The following SH3BGRL2 variants were observed in gnomAD, a reference collection of about 807,000 sequenced individuals.
The protein encoded by SH3BGRL2 is SH3 domain binding glutamate rich protein like 2.
Under a neutral mutation model 14.8 loss-of-function variants are expected in SH3BGRL2, and 21 were observed. The observed-to-expected ratio is 1.42, with a 90% CI of 1.01 to 2.05. The LOEUF (loss-of-function observed/expected upper bound fraction) is 2.05. SH3BGRL2 is among the 30% of genes most tolerant of loss of function. The pLI is 0.00. For missense variants in SH3BGRL2, 147 were observed against 130.8 expected (o/e 1.12, Z -0.61); for synonymous variants, 50 against 47.8 (o/e 1.05, Z -0.19).
At chr6:79,673,196 A>G (rs1769807212) in intron 1 of SH3BGRL2, among the ~76,000 whole-genome samples, 1 of 152,050 alleles carries the variant, frequency 6.6e-6, no homozygotes, top group African/African-American at 2.4e-5. Context: ...ACTGAGAACT[A>G]AGGCACTCTG....
the SH3BGRL2 span, among the ~76,000 whole-genome samples, chr6:79,625,079 G>A: frequency 2.0e-5 from 3 of 152,038 alleles, no homozygotes; most frequent in Non-Finnish European, 2.9e-5. Context: ...GAGCTGAGGT[G>A]GGAGGATCAC....
At chr6:79,688,078 CT>C (rs1446374024) in intron 2 of SH3BGRL2, among the ~76,000 whole-genome samples, 1 of 151,852 alleles carries the variant, frequency 6.6e-6, no homozygotes, top group African/African-American at 2.4e-5. Flanking sequence ...TTAAGTAAGC[CT>C]TGTGGAGGAA....
intron 1 of SH3BGRL2, among the ~76,000 whole-genome samples, chr6:79,652,174 G>C (rs1252506094): frequency 6.6e-6 from 1 of 152,140 alleles, no homozygotes; most frequent in East Asian, 1.9e-4. Flanking sequence ...ACAATATGGA[G>C]GGGATTTTAG....
At chr6:79,554,272 T>G in the SH3BGRL2 span, among the ~76,000 whole-genome samples, 2 of 152,188 alleles carry the variant, frequency 1.3e-5, no homozygotes, top group African/African-American at 4.8e-5. Context: ...ATCTAATGCG[T>G]TTAAAAAAAT....
the SH3BGRL2 span, among the ~76,000 whole-genome samples, chr6:79,624,779 G>T: frequency 6.6e-6 from 1 of 151,920 alleles, no homozygotes. Context: ...AGAATAAGGT[G>T]CTGGGGGAAT....
chr6:79,650,011 A>G (rs1362529261), intron 1 of SH3BGRL2, among the ~76,000 whole-genome samples: 2 of 151,774 alleles, frequency 1.3e-5, no homozygotes, highest in Admixed American at 1.3e-4. Flanking sequence ...ACACACACAC[A>G]CACACAGTTA....
the SH3BGRL2 span, among the ~76,000 whole-genome samples, chr6:79,612,072 A>G: frequency 1.3e-5 from 2 of 152,078 alleles, no homozygotes; most frequent in Non-Finnish European, 2.9e-5. Context: ...GCAAGGCTGG[A>G]TAATCATGAG....
chr6:79,672,342 G>A (rs1168034798), intron 1 of SH3BGRL2, among the ~76,000 whole-genome samples: 3 of 152,012 alleles, frequency 2.0e-5, no homozygotes, highest in Non-Finnish European at 4.4e-5. Context: ...ACTTCTGTTC[G>A]TTTCTTACAT....
intron 1 of SH3BGRL2, among the ~76,000 whole-genome samples, chr6:79,632,065 G>T (rs1177920287): frequency 6.6e-6 from 1 of 152,050 alleles, no homozygotes; most frequent in Non-Finnish European, 1.5e-5. Context: ...AGGATTGTTT[G>T]CTTTCACTGT....
intron 2 of SH3BGRL2, among the ~76,000 whole-genome samples, chr6:79,683,779 G>T (rs150826730): frequency 6.6e-6 from 1 of 152,244 alleles, no homozygotes; most frequent in African/African-American, 2.4e-5. Context: ...AGTCCCTTCC[G>T]TAGTCTGCCC....
At chr6:79,676,605 A>ATGTGTGTGTGTGTGTGTG (rs58234438) in intron 2 of SH3BGRL2, among the ~76,000 whole-genome samples, 1 of 139,672 alleles carries the variant, frequency 7.2e-6, no homozygotes, top group African/African-American at 2.7e-5. Flanking sequence ...GTCTTTATGT[A>ATGTGTGTGTGTGTGTGTG]TGTGTGTGTG....
intron 3 of SH3BGRL2, 104 bp from the exon 4 acceptor site, chr6:79,699,394 C>T (rs2127740732): frequency 3.1e-6 from 4 of 1,292,228 alleles, no homozygotes; most frequent in East Asian, 2.5e-5. Flanking sequence ...TTTCCAACAT[C>T]TCTGTTCCTG....
the SH3BGRL2 span, among the ~76,000 whole-genome samples, chr6:79,562,865 A>G: frequency 6.6e-6 from 1 of 152,224 alleles, no homozygotes; most frequent in African/African-American, 2.4e-5. Flanking sequence ...AAAGTTTACA[A>G]ATTTGTGCTG....
At chr6:79,666,310 G>A (rs990642659) in intron 1 of SH3BGRL2, among the ~76,000 whole-genome samples, 4 of 152,272 alleles carry the variant, frequency 2.6e-5, no homozygotes, top group East Asian at 3.9e-4. Flanking sequence ...GGGACAAGGG[G>A]CCTTAGCATT....
At chr6:79,596,588 A>G in the SH3BGRL2 span, among the ~76,000 whole-genome samples, 2 of 152,218 alleles carry the variant, frequency 1.3e-5, no homozygotes, top group South Asian at 2.1e-4. Flanking sequence ...GACCATTGCA[A>G]TGTGCCACAA....
intron 2 of SH3BGRL2, among the ~76,000 whole-genome samples, chr6:79,692,080 T>G (rs1218778235): frequency 6.6e-6 from 1 of 152,228 alleles, no homozygotes; most frequent in Non-Finnish European, 1.5e-5. Context: ...TCATTGTGGT[T>G]TTGATTTGCA....
chr6:79,625,698 C>G, the SH3BGRL2 span, among the ~76,000 whole-genome samples: 2 of 152,166 alleles, frequency 1.3e-5, no homozygotes, highest in African/African-American at 4.8e-5. Context: ...TAATACCTAA[C>G]ACTTACTGAG....
At chr6:79,604,157 A>G in the SH3BGRL2 span, among the ~76,000 whole-genome samples, 5 of 152,160 alleles carry the variant, frequency 3.3e-5, no homozygotes, top group Non-Finnish European at 1.5e-5. Context: ...CCTGAAAGCC[A>G]ATCTAAGTCT....
chr6:79,541,228 G>A, the SH3BGRL2 span, among the ~76,000 whole-genome samples: 1 of 152,054 alleles, frequency 6.6e-6, no homozygotes, highest in Non-Finnish European at 1.5e-5. Context: ...ACTCCAGCCT[G>A]GGCGGCAGAG....
Sources: gnomAD v4.1 joint callset for allele counts (sites outside exome capture counted in the v4.1 genomes callset) on GRCh38, gnomAD v4.1.1 for gene constraint, MANE v1.5 for transcripts, NCBI Gene and HGNC (gene_info 2026-07-23, HGNC 2026-07-21) for gene names.